Variants in EFCAB12 observed in about 807,000 individuals in gnomAD.
The protein encoded by EFCAB12 is EF-hand calcium binding domain 12, also known as EF-hand calcium-binding domain-containing protein 12.
A neutral mutation model predicts 53.6 loss-of-function variants in EFCAB12; 43 were observed. The ratio of observed to expected loss-of-function variants is 0.80; its 90% CI spans 0.63 to 1.03. The LOEUF (loss-of-function observed/expected upper bound fraction) is 1.03. EFCAB12 is among the 50% of genes least tolerant of loss of function. EFCAB12 has a pLI of 0.00. For synonymous variants in EFCAB12, 269 were observed against 289.2 expected, an observed-to-expected ratio of 0.93 and a Z score of 0.71; for missense variants, 646 against 730.6, an observed-to-expected ratio of 0.88 and a Z score of 1.34.
rs1403034144 is a variant in EFCAB12, at chr3:129,410,530, A to G, written c.1035+628T>C. On this transcript the variant is annotated intron_variant, in intron 5 of 8. Transcript: ENST00000505956. ...ACAGGATCTCCCTATGTTGCCTAGG[A>G]TGGCCTCGAACTCCTGGGCTTAAGC... Among the ~76,000 whole-genome samples, 3 of 151,990 alleles carry G rather than the reference A, an allele frequency of 2.0e-5. No homozygotes were observed. The East Asian group carries it at 5.8e-4, about 29-fold the overall frequency.
intron 6 of EFCAB12, among the ~76,000 whole-genome samples, chr3:129,406,048 T>TAAAAA (rs528836223): frequency 0.057 from 7,778 of 137,626 alleles, 628 homozygotes; most frequent in East Asian, 0.35. Flanking sequence ...CCCCATCTCT[T>TAAAAA]AAAAAAAAAA....
intron 1 of EFCAB12, among the ~76,000 whole-genome samples, chr3:129,425,223 C>T (rs1377017724): frequency 3.3e-5 from 5 of 152,176 alleles, no homozygotes; most frequent in African/African-American, 1.2e-4. Context: ...ACCCCCAATC[C>T]ATGTTCTGCC....
chr3:129,403,752 C>G (rs1444158995), intron 7 of EFCAB12: 1 of 152,458 alleles, frequency 6.6e-6, no homozygotes. Flanking sequence ...AGAGAAGACT[C>G]AGGTTGGCCT....
At chr3:129,402,408 G>T in intron 8 of EFCAB12, 115 bp downstream of exon 8, 1 of 1,180,718 alleles carries the variant, frequency 8.5e-7, no homozygotes, top group Non-Finnish European at 1.2e-6. Flanking sequence ...TGCCTCTCAG[G>T]CCAGGGCACC....
At chr3:129,401,908 CT>C in intron 8 of EFCAB12, 57 bp from the exon 9 acceptor site, 1 of 1,569,260 alleles carries the variant, frequency 6.4e-7, no homozygotes, top group Non-Finnish European at 8.7e-7. Context: ...AGAGCTGAGG[CT>C]TCATCGCAGA....
chr3:129,422,340 G>A (rs2072199482), intron 1 of EFCAB12, among the ~76,000 whole-genome samples: 1 of 152,128 alleles, frequency 6.6e-6, no homozygotes, highest in East Asian at 1.9e-4. Context: ...TAATATATCT[G>A]CTATTATTGG....
In EFCAB12 at chr3:129,421,807, G is replaced by T; in HGVS notation, c.50-4C>A. 1.9e-6 allele frequency: 3 copies of T among 1,600,520 alleles called. No homozygotes were observed. Among genetic ancestry groups the T allele is most frequent in the Non-Finnish European group, 2.6e-6 (3 of 1,171,434 alleles). On this transcript the variant is annotated splice_polypyrimidine_tract_variant and splice_region_variant and intron_variant, in intron 1 of 8. Coordinates refer to ENST00000505956, the MANE Select transcript of EFCAB12 (RefSeq NM_207307.3). Reference sequence around the variant, plus strand: ...GGAGTCTTAGACGGGCAGAGTCCTTGGGGTAAGAGAGTTAAAAGATGAGTT... The same window carrying T: ...GGAGTCTTAGACGGGCAGAGTCCTTTGGGTAAGAGAGTTAAAAGATGAGTT...
chr3:129,422,216 C>A (rs993709555), intron 1 of EFCAB12, among the ~76,000 whole-genome samples: 1 of 152,206 alleles, frequency 6.6e-6, no homozygotes, highest in African/African-American at 2.4e-5. Context: ...AGCAAACCAC[C>A]TAACTTCTCT....
At position 129,418,267 on chromosome 3, in the gene EFCAB12, G is replaced by T. The variant is rs200926342; in HGVS notation, c.668C>A (p.Ala223Glu). 1 of 1,610,580 alleles carries T rather than the reference G, an allele frequency of 6.2e-7. No individual in the cohort carries two copies. Among genetic ancestry groups the T allele is most frequent in the African/African-American group, 1.3e-5 (1 of 74,990 alleles). ...NQRITREEFI[A>E]AVKAVGVPLK... is the part of the protein sequence containing the mutation. ...GGTGGCACTTACTGCCTTTACAGCC[G>T]CGATGAACTCCTCCCTGGTGATTCT... The change falls in exon 3 of 9, where the codon GCG becomes GAG. Residue 223 changes from alanine (A) to glutamate (E), a missense_variant. Transcript: ENST00000505956.
Position 129,402,550 on chromosome 3 carries a change from C to T in EFCAB12, c.1433G>A (p.Arg478His), listed in dbSNP as rs776693100. The T allele has an allele frequency of 4.2e-5, 68 of 1,612,922 alleles. No individual in the cohort carries two copies. The highest frequency in any genetic ancestry group is 1.2e-4 in the South Asian group (11 of 90,864). Residue 478 changes from arginine (R) to histidine (H), a missense_variant, in exon 8 of 9, where the codon CGC becomes CAC. Physicochemically the swap from Arg to His is conservative, Grantham distance 29. Coordinates refer to ENST00000505956, the MANE Select transcript of EFCAB12 (RefSeq NM_207307.3). Reference protein sequence around the residue: ...KKTPKKSKKMRFKEFEEFTRK... With the variant: ...KKTPKKSKKMHFKEFEEFTRK... ...GGTAAATTCCTCAAACTCCTTAAAGCGCATTTTCTTGCTTTTCTTTGGCGT... is the reference window on the plus strand; with the variant it reads ...GGTAAATTCCTCAAACTCCTTAAAGTGCATTTTCTTGCTTTTCTTTGGCGT...
At chr3:129,411,425 G>C in intron 4 of EFCAB12, 71 bp from the exon 5 acceptor site, 1 of 1,459,070 alleles carries the variant, frequency 6.9e-7, no homozygotes, top group Non-Finnish European at 9.2e-7. Flanking sequence ...CTGCCAAGCA[G>C]TTATCCAGTG....
chr3:129,428,617 G>C lies in EFCAB12; in HGVS notation c.-129C>G, dbSNP rs1350280323. ...AGTCGTGCGAAAGGCGCTCAGCTCA[G>C]ACTGCAGAAGCAACCTGTTGCCGTG... On this transcript the variant is annotated 5_prime_UTR_variant, in exon 1 of 9. Coordinates refer to ENST00000505956, the MANE Select transcript of EFCAB12 (RefSeq NM_207307.3). The C allele has an allele frequency of 3.5e-6, 4 of 1,142,200 alleles. No homozygotes were observed. In the African/African-American group the frequency reaches 6.3e-5, roughly 18 times the overall value. The allele number at this position is 1,142,200 out of a possible 1,614,324, so 70.8% of individuals were successfully genotyped here.
chr3:129,415,629 G>T (rs1166129363), intron 3 of EFCAB12, among the ~76,000 whole-genome samples: 2 of 152,100 alleles, frequency 1.3e-5, no homozygotes, highest in Non-Finnish European at 2.9e-5. Context: ...CCCCTTCTCT[G>T]CCTGAAAAAC....
At chr3:129,415,948 T>C (rs1462155146) in intron 3 of EFCAB12, among the ~76,000 whole-genome samples, 2 of 152,238 alleles carry the variant, frequency 1.3e-5, no homozygotes, top group African/African-American at 4.8e-5. Context: ...AAAGGAAATA[T>C]GATTTTGTTC....
chr3:129,404,155 G>A, intron 7 of EFCAB12, 95 bp downstream of exon 7: 1 of 1,499,072 alleles, frequency 6.7e-7, no homozygotes, highest in Non-Finnish European at 9.0e-7. Context: ...AGCACAGCAT[G>A]GCGCCCCAGG....
Position 129,401,557 on chromosome 3 carries a change from C to G in EFCAB12, c.*36G>C. 1 of 1,486,898 alleles carries G rather than the reference C, an allele frequency of 6.7e-7. No individual in the cohort carries two copies. The highest frequency in any genetic ancestry group is 9.0e-7 in the Non-Finnish European group (1 of 1,110,338). 92.1% of individuals were successfully genotyped at this position (1,486,898 alleles called of 1,614,324 possible). A position where few individuals can be genotyped will look rare whatever the true frequency, so the allele number is the denominator to read the frequency against. ...GGCCGCTGGCTGCACTGGCCCCTGG[C>G]CCAGGAAGGCTGGGTCCGGCAACAC... On this transcript the variant is annotated 3_prime_UTR_variant, in exon 9 of 9. Coordinates refer to ENST00000505956, the MANE Select transcript of EFCAB12 (RefSeq NM_207307.3).
chr3:129,412,088 G>A (rs1031350582), intron 4 of EFCAB12: 1 of 152,334 alleles, frequency 6.6e-6, no homozygotes, highest in African/African-American at 2.4e-5. Context: ...GTGTGCACCT[G>A]TAGTAGTTAC....
At position 129,412,424 on chromosome 3, in the gene EFCAB12, G is replaced by GGACA. The variant is rs1261407198; in HGVS notation, c.839-1071_839-1070insTGTC. The GGACA allele has an allele frequency of 3.5e-5, 4 of 114,366 alleles. No homozygotes were observed. The East Asian group carries it at 1.3e-3, about 36-fold the overall frequency. 7.1% of individuals were successfully genotyped at this position (114,366 alleles called of 1,614,324 possible). ...CTCCTTATGTTGGATATGTGTAGATGGATGGATAGATAGATAGATAGATAG... is the reference window on the plus strand; with the variant it reads ...CTCCTTATGTTGGATATGTGTAGATGGACAGATGGATAGATAGATAGATAGATAG... On this transcript the variant is annotated intron_variant, in intron 4 of 8. Transcript: ENST00000505956.
At chr3:129,408,525 G>A in intron 6 of EFCAB12, 120 bp downstream of exon 6, 1 of 1,085,618 alleles carries the variant, frequency 9.2e-7, no homozygotes, top group East Asian at 2.6e-5. Context: ...TATTCCCAAT[G>A]TCCCCACCAG....
Sources: gnomAD v4.1 joint callset for allele counts (sites outside exome capture counted in the v4.1 genomes callset) on GRCh38, gnomAD v4.1.1 for gene constraint, MANE v1.5 for transcripts, NCBI Gene and HGNC (gene_info 2026-07-23, HGNC 2026-07-21) for gene names.